DYNC1H1: variants seen among roughly 807,000 people sequenced by gnomAD.
The protein encoded by DYNC1H1 is cytoplasmic dynein 1 heavy chain 1.
In DYNC1H1, 51 loss-of-function variants were observed where a neutral mutation model predicts 527.1. That is an observed-to-expected ratio of 0.10 (90% CI 0.08 to 0.12). The LOEUF (loss-of-function observed/expected upper bound fraction) is 0.12. Ranked by LOEUF, DYNC1H1 falls within the 10% of genes least tolerant of loss-of-function variation. DYNC1H1 has a pLI of 1.00. For missense variants in DYNC1H1, 2,771 were observed against 5,971.8 expected, an observed-to-expected ratio of 0.46 and a Z score of 17.66; for synonymous variants, 2,189 against 2,278.8, an observed-to-expected ratio of 0.96 and a Z score of 1.12.
rs368621706 is a variant in DYNC1H1, at chr14:102,038,543, C to T, written c.10992C>T (p.Leu3664=). 23 of 1,614,030 alleles carry T rather than the reference C, an allele frequency of 1.4e-5. No individual in the cohort carries two copies. In the African/African-American group the frequency reaches 1.7e-4, roughly 12 times the overall value. The change falls in exon 58 of 78, where the codon CTC becomes CTT. Residue 3664 remains leucine, a synonymous_variant. Transcript: ENST00000360184. This position sits in a 1 kb window ranked among gnomAD's most constrained non-coding sequence, Gnocchi z 7.2. ...RRTGGRVLIT[L]GDQDIDLSPS... ...CAGGGGGGAGAGTGCTGATCACTCT[C>T]GGGGACCAGGACATAGACCTGTCGC...
rs570789693 is a variant in DYNC1H1 at position 102,041,461 on chromosome 14, T to G, written c.11942-113T>G. 6.5e-7 allele frequency: 1 copy of G among 1,547,162 alleles called. No homozygotes were observed. The highest frequency in any genetic ancestry group is 1.1e-5 in the South Asian group (1 of 89,070). On this transcript the variant is annotated intron_variant, in intron 64 of 77. Transcript: ENST00000360184. This position sits in a 1 kb window ranked among gnomAD's most constrained non-coding sequence, Gnocchi z 4.5. Reference sequence around the variant, plus strand: ...TGAATTTCCTGATTTGAGCTGATCCTGAAATGCTGAGCATTTGCTGAGTGG... The same window carrying G: ...TGAATTTCCTGATTTGAGCTGATCCGGAAATGCTGAGCATTTGCTGAGTGG...
chr14:101,967,494 A>ATTTG (rs1265485015), intron 1 of DYNC1H1, among the ~76,000 whole-genome samples: 1 of 151,968 alleles, frequency 6.6e-6, no homozygotes. Context: ...TATATTTTTT[A>ATTTG]TTTGTTTGTT....
chr14:102,018,271 C>G lies in DYNC1H1; in HGVS notation c.8178-180C>G, dbSNP rs902222677. Among the ~76,000 whole-genome samples, 1 of 152,162 alleles carries G rather than the reference C, an allele frequency of 6.6e-6. No individual in the cohort carries two copies. Among genetic ancestry groups the G allele is most frequent in the African/African-American group, 2.4e-5 (1 of 41,416 alleles). On this transcript the variant is annotated intron_variant, in intron 40 of 77. Transcript: ENST00000360184. The surrounding 1 kb of genome is among the most constrained non-coding windows in gnomAD (Gnocchi z 5.2). ...GTGTTTTCCATCGACTGTTGTGTGT[C>G]AGACCCCAAGCCTGAGCAGCGTGTG...
chr14:102,024,692 CTTTTTTTTT>C (rs541855664), intron 43 of DYNC1H1, among the ~76,000 whole-genome samples: 1 of 109,512 alleles, frequency 9.1e-6, no homozygotes, highest in African/African-American at 4.0e-5. Context: ...TTTTTTAACT[CTTTTTTTTT>C]TTTTTTTTTT....
In DYNC1H1 at chr14:102,004,615, G is replaced by A. The variant is rs1164439449; in HGVS notation, c.4981G>A (p.Val1661Ile). ...QKHFKKMFAG[V>I]SSIILNEDNS... is the part of the protein sequence containing the mutation. ...ACACTTCAAGAAGATGTTTGCTGGA[G>A]TTTCGAGCATCATCCTGAACGAGGA... is the stretch of plus-strand genomic sequence containing the variant. The change falls in exon 24 of 78, where the codon GTT becomes ATT. Residue 1661 changes from valine (V) to isoleucine (I), a missense_variant. Transcript: ENST00000360184. 2 of 1,614,238 alleles carry A rather than the reference G, an allele frequency of 1.2e-6. No individual in the cohort carries two copies. Among genetic ancestry groups the A allele is most frequent in the Non-Finnish European group, 1.7e-6 (2 of 1,180,048 alleles).
At chr14:102,024,780 C>T (rs866752438) in intron 43 of DYNC1H1, among the ~76,000 whole-genome samples, 3 of 149,952 alleles carry the variant, frequency 2.0e-5, no homozygotes, top group African/African-American at 2.5e-5. Context: ...CTGCAAGCTC[C>T]GCCTCCTGGG....
At position 101,986,692 on chromosome 14, in the gene DYNC1H1, G is replaced by C. The variant is rs2047940929; in HGVS notation, c.2467G>C (p.Val823Leu). ...QALIAEGIALVWESYKLDPYV... is the reference protein window; with the variant it reads ...QALIAEGIALLWESYKLDPYV... ...CCTGATCGCAGAAGGCATTGCGTTGGTGTGGGAGTCCTACAAACTTGACCC... is the reference window on the plus strand; with the variant it reads ...CCTGATCGCAGAAGGCATTGCGTTGCTGTGGGAGTCCTACAAACTTGACCC... Residue 823 changes from valine (V) to leucine (L), a missense_variant, in exon 8 of 78, where the codon GTG becomes CTG. Around this residue, in one of 32 missense-constraint regions of DYNC1H1, gnomAD observed 179 missense variants for 349.4 expected, o/e 0.51. Coordinates refer to ENST00000360184, the MANE Select transcript of DYNC1H1 (RefSeq NM_001376.5). The surrounding 1 kb of genome is among the most constrained non-coding windows in gnomAD (Gnocchi z 8.7). 1 of 1,614,228 alleles carries C rather than the reference G, an allele frequency of 6.2e-7. No homozygotes were observed. Among genetic ancestry groups the C allele is most frequent in the Non-Finnish European group, 8.5e-7 (1 of 1,180,052 alleles).
In DYNC1H1 at chr14:102,011,075, C is replaced by G; in HGVS notation, c.6618+123C>G. The G allele has an allele frequency of 9.4e-6, 10 of 1,062,536 alleles. No homozygotes were observed. Among genetic ancestry groups the G allele is most frequent in the African/African-American group, 1.6e-5 (1 of 64,432 alleles). 65.8% of individuals were successfully genotyped at this position (1,062,536 alleles called of 1,614,324 possible). On this transcript the variant is annotated intron_variant, in intron 32 of 77. Coordinates refer to ENST00000360184, the MANE Select transcript of DYNC1H1 (RefSeq NM_001376.5). This position sits in a 1 kb window ranked among gnomAD's most constrained non-coding sequence, Gnocchi z 5.3. ...AAAGGCTGTGGAGGTGCATAATATG[C>G]TTTATGAAGATTTGCCCAAGGCCTA...
At chr14:102,008,376 A>G (rs1004610534) in intron 29 of DYNC1H1, 39 bp downstream of exon 29, 3 of 1,611,232 alleles carry the variant, frequency 1.9e-6, no homozygotes, top group South Asian at 2.2e-5. Flanking sequence ...TAGAGAATGT[A>G]GAGGGAAATT....
In DYNC1H1 at chr14:102,048,502, T is replaced by C; in HGVS notation, c.13219-14T>C. ...CTCTTCCTAACTTCTCTTCACCCTT[T>C]TGAACGATTTTAGGATCCTTTGTTC... On this transcript the variant is annotated splice_polypyrimidine_tract_variant and intron_variant, in intron 73 of 77. Transcript: ENST00000360184. The C allele has an allele frequency of 6.2e-7, 1 of 1,614,096 alleles. No homozygotes were observed. The highest frequency in any genetic ancestry group is 1.7e-4 in the Middle Eastern group (1 of 6,060).
rs925403039 is a variant in DYNC1H1, at chr14:102,050,210, C to T, written c.13812+12C>T. On this transcript the variant is annotated intron_variant, in intron 77 of 77. Coordinates refer to ENST00000360184, the MANE Select transcript of DYNC1H1 (RefSeq NM_001376.5). ...AGAAGGCCAGTGTGGTAAGGAGGCA[C>T]TGCCTTTCCCAGGCATTCTGCAGGG... is the stretch of plus-strand genomic sequence containing the variant. 2 of 1,614,008 alleles carry T rather than the reference C, an allele frequency of 1.2e-6. No individual in the cohort carries two copies. Among genetic ancestry groups the T allele is most frequent in the Non-Finnish European group, 1.7e-6 (2 of 1,180,030 alleles).
In DYNC1H1 at chr14:102,009,998, G is replaced by A. The variant is rs773200201; in HGVS notation, c.6133G>A (p.Asp2045Asn). 6.8e-6 allele frequency: 11 copies of A among 1,613,908 alleles called. No homozygotes were observed. Among genetic ancestry groups the A allele is most frequent in the East Asian group, 2.2e-5 (1 of 44,882 alleles). Residue 2045 changes from aspartate to asparagine, a missense_variant, in exon 30 of 78, where the codon GAC becomes AAC. Transcript: ENST00000360184. ...LFRSLAMTKPDRQLIAQVMLY... is the reference protein window; with the variant it reads ...LFRSLAMTKPNRQLIAQVMLY... ...CCGGAGCTTGGCCATGACCAAGCCCGACCGGCAGTTAATCGCCCAGGTCAT... is the reference window on the plus strand; with the variant it reads ...CCGGAGCTTGGCCATGACCAAGCCCAACCGGCAGTTAATCGCCCAGGTCAT...
Position 102,041,240 on chromosome 14 carries a change from G to A in DYNC1H1, c.11942-334G>A. On this transcript the variant is annotated intron_variant, in intron 64 of 77. Transcript: ENST00000360184. The surrounding 1 kb of genome is among the most constrained non-coding windows in gnomAD (Gnocchi z 4.5). ...GACCCTGGGCTAGCCAGGCTGAGAGGAAGTGTCAGACTGTGGAGGGCAGAG... is the reference window on the plus strand; with the variant it reads ...GACCCTGGGCTAGCCAGGCTGAGAGAAAGTGTCAGACTGTGGAGGGCAGAG... 1 of 402,502 alleles carries A rather than the reference G, an allele frequency of 2.5e-6. No homozygotes were observed. Among genetic ancestry groups the A allele is most frequent in the South Asian group, 2.2e-5 (1 of 45,934 alleles). 24.9% of individuals were successfully genotyped at this position (402,502 alleles called of 1,614,324 possible).
At chr14:102,030,993 AAG>A (rs2048503964) in intron 51 of DYNC1H1, among the ~76,000 whole-genome samples, 1 of 152,222 alleles carries the variant, frequency 6.6e-6, no homozygotes, top group Non-Finnish European at 1.5e-5. Context: ...AAAGAAAAAA[AAG>A]AGTGCTTTCT....
In DYNC1H1 at chr14:102,027,370, T is replaced by G. The variant is rs766982598; in HGVS notation, c.8887-13T>G. The stretch of plus-strand genomic sequence containing the variant: ...TGAGTAGGAATGGACCTAACTTGCC[T>G]CTGCTTCTGTAGGTCCATAGGAAGT... On this transcript the variant is annotated splice_polypyrimidine_tract_variant and intron_variant, in intron 45 of 77. Coordinates refer to ENST00000360184, the MANE Select transcript of DYNC1H1 (RefSeq NM_001376.5). The surrounding 1 kb of genome is among the most constrained non-coding windows in gnomAD (Gnocchi z 7.7). The G allele has an allele frequency of 1.2e-6, 2 of 1,614,162 alleles. No homozygotes were observed. The highest frequency in any genetic ancestry group is 1.7e-5 in the Admixed American group (1 of 60,008).
chr14:102,013,438 G>A (rs1411727063), intron 34 of DYNC1H1, among the ~76,000 whole-genome samples: 1 of 152,030 alleles, frequency 6.6e-6, no homozygotes, highest in Admixed American at 6.6e-5. Flanking sequence ...CAGACACTTA[G>A]GGGAGTGAGG....
intron 43 of DYNC1H1, among the ~76,000 whole-genome samples, chr14:102,024,986 A>T (rs1595622053): frequency 6.6e-6 from 1 of 151,370 alleles, no homozygotes; most frequent in Non-Finnish European, 1.5e-5. Flanking sequence ...GAACCACTGC[A>T]CCCAGCCATT....
In DYNC1H1 at chr14:101,983,267, G is replaced by T. The variant is rs1566997761; in HGVS notation, c.1210G>T (p.Val404Phe). The T allele has an allele frequency of 6.2e-7, 1 of 1,614,102 alleles. No homozygotes were observed. The highest frequency in any genetic ancestry group is 8.5e-7 in the Non-Finnish European group (1 of 1,180,058). ...ATTGGGCACTAGGAAATTGATGCATGTTGCTTATGAAGAATTTGAAAAAGT... is the reference window on the plus strand; with the variant it reads ...ATTGGGCACTAGGAAATTGATGCATTTTGCTTATGAAGAATTTGAAAAAGT... ...KVLGTRKLMHVAYEEFEKVMV... is the reference protein window; with the variant it reads ...KVLGTRKLMHFAYEEFEKVMV... The change falls in exon 6 of 78, where the codon GTT (valine) becomes TTT (phenylalanine). Residue 404 changes from valine (V) to phenylalanine (F), a missense_variant. Val to Phe is a conservative substitution (Grantham distance 50). This residue lies in a region of DYNC1H1 where 264 missense variants were observed against 619.4 expected (regional missense o/e 0.43). Coordinates refer to ENST00000360184, the MANE Select transcript of DYNC1H1 (RefSeq NM_001376.5). The surrounding 1 kb of genome is among the most constrained non-coding windows in gnomAD (Gnocchi z 5.3).
chr14:102,012,254 C>G lies in DYNC1H1; in HGVS notation c.6858-60C>G. Reference sequence around the variant, plus strand: ...CATTTCAGAAACCATCATCGGTAAACATGCCTAATGTTAAAATCTTGATTT... The same window carrying G: ...CATTTCAGAAACCATCATCGGTAAAGATGCCTAATGTTAAAATCTTGATTT... On this transcript the variant is annotated intron_variant, in intron 33 of 77. Transcript: ENST00000360184. The surrounding 1 kb of genome is among the most constrained non-coding windows in gnomAD (Gnocchi z 4.9). The G allele has an allele frequency of 6.2e-7, 1 of 1,613,452 alleles. No homozygotes were observed. Among genetic ancestry groups the G allele is most frequent in the South Asian group, 1.1e-5 (1 of 91,026 alleles).
Sources: gnomAD v4.1 joint callset for allele counts (sites outside exome capture counted in the v4.1 genomes callset) on GRCh38, gnomAD v4.1.1 for gene constraint, gnomAD v4.1.1 regional missense constraint, Gnocchi (gnomAD v3.1) non-coding constraint, MANE v1.5 for transcripts, NCBI Gene and HGNC (gene_info 2026-07-23, HGNC 2026-07-21) for gene names.